Variants in CNKSR3 observed in about 807,000 individuals in gnomAD.
CNKSR3 encodes the protein CNKSR family member 3, also known as connector enhancer of kinase suppressor of ras 3.
A neutral mutation model predicts 67.7 loss-of-function variants in CNKSR3; 36 were observed. The observed-to-expected ratio is 0.53, with a 90% CI of 0.41 to 0.70. The LOEUF (loss-of-function observed/expected upper bound fraction) is 0.70, where lower values mean the gene tolerates loss of function less well. CNKSR3 is among the 30% of genes least tolerant of loss of function. The probability of loss-of-function intolerance (pLI) is 0.00; values close to 1 mark genes in which losing one functional copy is unlikely to be tolerated. For synonymous variants in CNKSR3, 281 were observed against 271.4 expected, an observed-to-expected ratio of 1.04 and a Z score of -0.35; for missense variants, 630 against 695.2, an observed-to-expected ratio of 0.91 and a Z score of 1.05.
In CNKSR3 at chr6:154,448,814, A is replaced by C. The variant is rs1434962038; in HGVS notation, c.216+1281T>G. Among the ~76,000 whole-genome samples the C allele has an allele frequency of 2.0e-5, 3 of 152,210 alleles. No individual in the cohort carries two copies. The East Asian group carries it at 5.8e-4, about 29-fold the overall frequency. On this transcript the variant is annotated intron_variant, in intron 2 of 12. Transcript: ENST00000607772. ...ACACACAATGCAGCAAGTGTTATAT[A>C]ATCAACAGTACGCAGACCAGCGACG...
intron 9 of CNKSR3, among the ~76,000 whole-genome samples, chr6:154,417,695 T>C (rs1391492122): frequency 6.6e-6 from 1 of 152,120 alleles, no homozygotes; most frequent in Non-Finnish European, 1.5e-5. Flanking sequence ...CAATCTGACA[T>C]GACTGGTGTC....
At chr6:154,461,794 T>C (rs1040773106) in intron 1 of CNKSR3, among the ~76,000 whole-genome samples, 1 of 152,162 alleles carries the variant, frequency 6.6e-6, no homozygotes, top group Non-Finnish European at 1.5e-5. Context: ...CAACCAATAA[T>C]AGGCAGAGTC....
intron 1 of CNKSR3, among the ~76,000 whole-genome samples, chr6:154,454,782 A>C (rs1228422772): frequency 6.6e-6 from 1 of 151,910 alleles, no homozygotes; most frequent in East Asian, 2.0e-4. Flanking sequence ...TTAGCCTCCC[A>C]AAGTGCTAGG....
intron 1 of CNKSR3, among the ~76,000 whole-genome samples, chr6:154,503,396 C>T (rs969589880): frequency 5.9e-5 from 9 of 152,134 alleles, no homozygotes; most frequent in South Asian, 2.1e-4. Flanking sequence ...GAGACCGAGC[C>T]GGGAGGATCA....
intron 10 of CNKSR3, among the ~76,000 whole-genome samples, chr6:154,412,641 C>T (rs544254381): frequency 4.5e-4 from 69 of 152,242 alleles, no homozygotes; most frequent in South Asian, 1.0e-3. Flanking sequence ...TCTCTACACG[C>T]TATAATAAGT....
rs1160876864 is a variant in CNKSR3 at position 154,406,252 on chromosome 6, G to C, written c.*102C>G. The C allele has an allele frequency of 9.4e-7, 1 of 1,061,994 alleles. No homozygotes were observed. The highest frequency in any genetic ancestry group is 1.3e-6 in the Non-Finnish European group (1 of 743,186). The allele number at this position is 1,061,994 out of a possible 1,614,324, so 65.8% of individuals were successfully genotyped here. On this transcript the variant is annotated 3_prime_UTR_variant, in exon 13 of 13. Coordinates refer to ENST00000607772, the MANE Select transcript of CNKSR3 (RefSeq NM_173515.4). ...TTCAAAAGAAAAAGAAATTGCATAA[G>C]GTCCCTACATAATACTGAGGCTGAA...
intron 1 of CNKSR3, among the ~76,000 whole-genome samples, chr6:154,476,708 AC>A (rs777423213): frequency 4.6e-5 from 7 of 152,202 alleles, no homozygotes; most frequent in Admixed American, 6.5e-5. Context: ...CATTATGGTA[AC>A]CACACACTTC....
chr6:154,427,906 T>A (rs1785286888), intron 7 of CNKSR3, among the ~76,000 whole-genome samples: 2 of 152,136 alleles, frequency 1.3e-5, no homozygotes, highest in Non-Finnish European at 2.9e-5. Flanking sequence ...GGGTAAAAAC[T>A]GGGCAAGGTA....
intron 1 of CNKSR3, among the ~76,000 whole-genome samples, chr6:154,486,855 A>T (rs1369796759): frequency 6.6e-6 from 1 of 152,160 alleles, no homozygotes; most frequent in Non-Finnish European, 1.5e-5. Flanking sequence ...GTTAAAATAG[A>T]GACAGGGATC....
At chr6:154,436,403 C>A (rs1214299652) in intron 4 of CNKSR3, among the ~76,000 whole-genome samples, 1 of 152,164 alleles carries the variant, frequency 6.6e-6, no homozygotes, top group Non-Finnish European at 1.5e-5. Flanking sequence ...TCAAGCAATC[C>A]TCCCAACTTG....
chr6:154,454,694 C>T (rs112676834), intron 1 of CNKSR3, among the ~76,000 whole-genome samples: 5,398 of 151,710 alleles, frequency 0.036, 262 homozygotes, highest in African/African-American at 0.11. Context: ...ACTAATTTTT[C>T]ATTTTTTTGT....
chr6:154,472,434 G>C (rs1786349480), intron 1 of CNKSR3, among the ~76,000 whole-genome samples: 1 of 152,108 alleles, frequency 6.6e-6, no homozygotes, highest in Non-Finnish European at 1.5e-5. Context: ...CTCCTCCTGG[G>C]CCCTCAGATC....
intron 2 of CNKSR3, among the ~76,000 whole-genome samples, chr6:154,443,032 G>A (rs1341624402): frequency 6.6e-6 from 1 of 151,968 alleles, no homozygotes; most frequent in Admixed American, 6.6e-5. Flanking sequence ...TGAATAGCTG[G>A]GATTACAGGC....
intron 1 of CNKSR3, among the ~76,000 whole-genome samples, chr6:154,455,328 T>A (rs953961461): frequency 2.6e-5 from 4 of 152,112 alleles, no homozygotes; most frequent in Non-Finnish European, 4.4e-5. Flanking sequence ...ATAGTGATTT[T>A]GTTTTGTTCA....
chr6:154,466,962 T>G (rs1378756600), intron 1 of CNKSR3, among the ~76,000 whole-genome samples: 1 of 151,792 alleles, frequency 6.6e-6, no homozygotes, highest in African/African-American at 2.4e-5. Flanking sequence ...GGAGTACCAC[T>G]CCAAGGAAGA....
At chr6:154,469,166 C>A (rs1786270706) in intron 1 of CNKSR3, among the ~76,000 whole-genome samples, 1 of 152,126 alleles carries the variant, frequency 6.6e-6, no homozygotes, top group Non-Finnish European at 1.5e-5. Context: ...AGCATAAATC[C>A]TTAAATAAGC....
At chr6:154,417,223 C>T (rs75764532) in intron 9 of CNKSR3, among the ~76,000 whole-genome samples, 3,535 of 152,308 alleles carry the variant, frequency 0.023, 68 homozygotes, top group African/African-American at 0.054. Context: ...CTTTCTCACC[C>T]TTACCCCAAA....
Position 154,406,550 on chromosome 6 carries a change from C to G in CNKSR3, c.1472G>C (p.Arg491Pro). Residue 491 changes from arginine (R) to proline (P), a missense_variant, in exon 13 of 13, where the codon CGG (arginine) becomes CCG (proline). Physicochemically the swap from Arg to Pro is moderately radical, Grantham distance 103 (BLOSUM62 -2). Coordinates refer to ENST00000607772, the MANE Select transcript of CNKSR3 (RefSeq NM_173515.4). The part of the protein sequence containing the change: ...PYRFSRPTTE[R>P]HLVRGADYIR... ...GTAGTCCGCACCCCGGACCAGATGC[C>G]GCTCGGTCGTGGGTCTGGAGAACCG... 1 of 1,614,194 alleles carries G rather than the reference C, an allele frequency of 6.2e-7. No homozygotes were observed. The highest frequency in any genetic ancestry group is 8.5e-7 in the Non-Finnish European group (1 of 1,180,032).
chr6:154,416,495 A>G (rs1785027244), intron 9 of CNKSR3, among the ~76,000 whole-genome samples: 1 of 152,256 alleles, frequency 6.6e-6, no homozygotes, highest in African/African-American at 2.4e-5. Flanking sequence ...TCTTAGAAGC[A>G]AAAGTAAACT....
Sources: gnomAD v4.1 joint callset for allele counts (sites outside exome capture counted in the v4.1 genomes callset) on GRCh38, gnomAD v4.1.1 for gene constraint, MANE v1.5 for transcripts, NCBI Gene and HGNC (gene_info 2026-07-23, HGNC 2026-07-21) for gene names.